Variants in ZFYVE26 observed in about 807,000 individuals in gnomAD.
ZFYVE26 encodes the protein zinc finger FYVE-type containing 26.
A neutral mutation model predicts 276.5 loss-of-function variants in ZFYVE26; 181 were observed. The observed-to-expected ratio is 0.65, with a 90% confidence interval of 0.58 to 0.74. The LOEUF (loss-of-function observed/expected upper bound fraction) is 0.74, where lower values mean the gene tolerates loss of function less well. ZFYVE26 is among the 30% of genes least tolerant of loss of function. ZFYVE26 has a pLI of 0.00. For missense variants in ZFYVE26, 2,821 were observed against 3,097.9 expected (o/e 0.91, Z 2.12); for synonymous variants, 1,129 against 1,203.1 (o/e 0.94, Z 1.27).
In ZFYVE26 at chr14:67,757,695, C is replaced by G. The variant is rs541245062; in HGVS notation, c.6589-1550G>C. Reference sequence around the variant, plus strand: ...CTTTCTTTCTTTCTCTCTCTCTTTCCTTTCTTTCTCTCTCTCTTTCTTTCT... The same window carrying G: ...CTTTCTTTCTTTCTCTCTCTCTTTCGTTTCTTTCTCTCTCTCTTTCTTTCT... On this transcript the variant is annotated intron_variant, in intron 35 of 41. Transcript: ENST00000347230. 3.7e-3 allele frequency among the ~76,000 whole-genome samples: 499 copies of G among 133,176 alleles called. 4 individuals carry two copies. The highest frequency in any genetic ancestry group is 0.015 in the African/African-American group (485 of 32,474). The allele number at this position is 133,176 out of a possible 152,430, so 87.4% of individuals were successfully genotyped here.
At chr14:67,734,807 A>G (rs2038332023) in intron 13 of ZFYVE26, among the ~76,000 whole-genome samples, 1 of 152,152 alleles carries the variant, frequency 6.6e-6, no homozygotes, top group Non-Finnish European at 1.5e-5. Flanking sequence ...AAGGGGTGCT[A>G]TTCTCTGCGT....
At chr14:67,813,108 C>G (rs897628387) in intron 3 of ZFYVE26, among the ~76,000 whole-genome samples, 47 of 152,074 alleles carry the variant, frequency 3.1e-4, no homozygotes, top group Admixed American at 3.1e-3. Flanking sequence ...GAACCAAAGA[C>G]AAAATTAATT....
chr14:67,798,244 C>A lies in ZFYVE26; in HGVS notation c.2018G>T (p.Ser673Ile). The A allele has an allele frequency of 6.2e-7, 1 of 1,614,208 alleles. No individual in the cohort carries two copies. The highest frequency in any genetic ancestry group is 8.5e-7 in the Non-Finnish European group (1 of 1,180,036). Residue 673 changes from serine to isoleucine, a missense_variant, in exon 11 of 42, where the codon AGT becomes ATT. By Grantham distance (142) the Ser-to-Ile change is moderately radical. Transcript: ENST00000347230. ...ATCAGCCAGAAATCCACTGATACCA[C>A]TAGTAAAGTGTTTTAAGTCCAAAAA... ...HSFLDLKHFTSGISGFLADEF... is the reference protein window; with the variant it reads ...HSFLDLKHFTIGISGFLADEF...
At chr14:67,793,870 A>T in intron 13 of ZFYVE26, 111 bp from the exon 14 acceptor site, 2 of 1,451,340 alleles carry the variant, frequency 1.4e-6, no homozygotes, top group Non-Finnish European at 1.9e-6. Context: ...CTTCTGTAAA[A>T]GGCCTGTAAA....
chr14:67,809,403 G>T, intron 3 of ZFYVE26, 114 bp from the exon 4 acceptor site: 1 of 556,492 alleles, frequency 1.8e-6, no homozygotes, highest in Non-Finnish European at 3.0e-6. Flanking sequence ...CTAAGATGAA[G>T]CACTCTTTTT....
intron 13 of ZFYVE26, among the ~76,000 whole-genome samples, chr14:67,732,536 CAAA>C (rs11408156): frequency 1.5e-5 from 2 of 130,126 alleles, no homozygotes; most frequent in African/African-American, 3.0e-5. Flanking sequence ...CCAAACAAAG[CAAA>C]AAAAAAAAAA....
At chr14:67,732,488 GAGAGAA>G (rs2140159188) in intron 13 of ZFYVE26, among the ~76,000 whole-genome samples, 1 of 137,542 alleles carries the variant, frequency 7.3e-6, no homozygotes, top group Non-Finnish European at 1.5e-5. Flanking sequence ...TTTTATGTAA[GAGAGAA>G]AGAGAGAGAG....
At chr14:67,791,576 C>T (rs2039813906) in intron 14 of ZFYVE26, among the ~76,000 whole-genome samples, 1 of 149,176 alleles carries the variant, frequency 6.7e-6, no homozygotes, top group Admixed American at 6.7e-5. Context: ...ATTTTATTTT[C>T]TTGTTAATAC....
At chr14:67,760,172 T>C (rs989380450) in intron 35 of ZFYVE26, among the ~76,000 whole-genome samples, 6 of 152,168 alleles carry the variant, frequency 3.9e-5, no homozygotes, top group African/African-American at 1.4e-4. Context: ...AACTAGGTGA[T>C]TTCCATTCCC....
At chr14:67,766,468 G>C in intron 31 of ZFYVE26, 21 bp from the exon 32 acceptor site, 4 of 1,609,954 alleles carry the variant, frequency 2.5e-6, no homozygotes, top group Non-Finnish European at 3.4e-6. Flanking sequence ...TGGAAGAAGG[G>C]AGAACACACG....
intron 40 of ZFYVE26, 112 bp from the exon 41 acceptor site, chr14:67,751,208 C>T: frequency 7.8e-7 from 1 of 1,283,532 alleles, no homozygotes; most frequent in Non-Finnish European, 1.1e-6. Flanking sequence ...AAAATGTCTG[C>T]CTGACTTTTT....
chr14:67,798,321 G>C lies in ZFYVE26; in HGVS notation c.1941C>G (p.Ser647Arg). ...TGTCTTTTGGCTCTGCCTTCACATG[G>C]CTTGGCATTGTATAAGCAAGGGTCT... ...VPKTLAYTMPSHVKAEPKDSY... is the reference protein window; with the variant it reads ...VPKTLAYTMPRHVKAEPKDSY... Residue 647 changes from serine to arginine, a missense_variant, in exon 11 of 42, where the codon AGC becomes AGG. Transcript: ENST00000347230. The C allele has an allele frequency of 6.2e-7, 1 of 1,613,484 alleles. No individual in the cohort carries two copies. Among genetic ancestry groups the C allele is most frequent in the Non-Finnish European group, 8.5e-7 (1 of 1,179,738 alleles).
chr14:67,803,045 A>G (rs2140247584), intron 9 of ZFYVE26, among the ~76,000 whole-genome samples: 1 of 152,356 alleles, frequency 6.6e-6, no homozygotes, highest in East Asian at 1.9e-4. Context: ...TACAATTACT[A>G]TTAGTCAATT....
chr14:67,781,086 C>T (rs549298719), intron 22 of ZFYVE26, among the ~76,000 whole-genome samples: 1 of 152,252 alleles, frequency 6.6e-6, no homozygotes, highest in South Asian at 2.1e-4. Context: ...TGTAATACAC[C>T]ATTCCAATGT....
intron 27 of ZFYVE26, 80 bp downstream of exon 27, chr14:67,774,931 CAAAAA>C (rs35993176): frequency 6.0e-4 from 481 of 805,902 alleles, no homozygotes; most frequent in South Asian, 6.8e-4. Context: ...AAAAAAGAAG[CAAAAA>C]AAAAAAAAAA....
At chr14:67,783,561 A>G (rs2039567497) in intron 20 of ZFYVE26, 36 bp from the exon 21 acceptor site, 1 of 1,606,518 alleles carries the variant, frequency 6.2e-7, no homozygotes, top group Non-Finnish European at 8.5e-7. Context: ...ACAAGGCCTG[A>G]ATACACAGGC....
intron 25 of ZFYVE26, 90 bp from the exon 26 acceptor site, chr14:67,776,196 A>G (rs1836941234): frequency 5.4e-5 from 86 of 1,582,268 alleles, no homozygotes; most frequent in Non-Finnish European, 6.7e-5. Context: ...GGAAGGGTGC[A>G]TGAGAACAAA....
chr14:67,758,471 T>C (rs1439180270), intron 35 of ZFYVE26, among the ~76,000 whole-genome samples: 1 of 152,098 alleles, frequency 6.6e-6, no homozygotes, highest in Non-Finnish European at 1.5e-5. Flanking sequence ...ATATAGGCCT[T>C]CTTGGTCCAG....
chr14:67,800,924 T>TAAAAATAA (rs59890733), intron 10 of ZFYVE26, among the ~76,000 whole-genome samples: 82,647 of 148,544 alleles, frequency 0.56, 24,310 homozygotes, highest in East Asian at 0.85. Flanking sequence ...AAAGTTACCG[T>TAAAAATAA]ATAAATAAAT....
Sources: allele counts gnomAD v4.1 joint callset (sites outside exome capture counted in the v4.1 genomes callset), GRCh38; gene constraint gnomAD v4.1.1; transcripts MANE v1.5; gene names NCBI Gene and HGNC (gene_info 2026-07-23, HGNC 2026-07-21).